CUL7: variants seen among roughly 807,000 people sequenced by gnomAD.
CUL7 encodes the protein cullin-7.
Under a neutral mutation model 177.7 loss-of-function variants are expected in CUL7, and 96 were observed. That is an observed-to-expected ratio of 0.54 (90% CI 0.46 to 0.64). The LOEUF is 0.64. Among genes scored for constraint, CUL7 ranks in the 30% least tolerant of loss-of-function variants. The probability of loss-of-function intolerance (pLI) is 0.00; values close to 1 mark genes in which losing one functional copy is unlikely to be tolerated. For synonymous variants in CUL7, 824 were observed against 890.2 expected (o/e 0.93, Z 1.32); for missense variants, 1,893 against 2,187.9 (o/e 0.87, Z 2.69).
Position 43,038,951 on chromosome 6 carries a change from C to G in CUL7, c.4331G>C (p.Arg1444Thr), listed in dbSNP as rs1763183547. ...GCCCAGCCACGTCCACTGCAGTCGC[C>G]TCTGTGAGCCTCGCTCAAGGGCAGG... ...SHPALERGSQ[R>T]RLQWTWLGWA... Residue 1444 changes from arginine (R) to threonine (T), a missense_variant, in exon 23 of 26, where the codon AGG (arginine) becomes ACG (threonine). By Grantham distance (71) the Arg-to-Thr change is moderately conservative. Transcript: ENST00000265348. 1 of 1,612,922 alleles carries G rather than the reference C, an allele frequency of 6.2e-7. No homozygotes were observed. Among genetic ancestry groups the G allele is most frequent in the East Asian group, 2.2e-5 (1 of 44,884 alleles).
chr6:43,045,619 T>G lies in CUL7; in HGVS notation c.2830A>C (p.Ile944Leu). The change falls in exon 14 of 26, where the codon ATC becomes CTC. Residue 944 changes from isoleucine (I) to leucine (L), a missense_variant. Physicochemically the swap from Ile to Leu is conservative, Grantham distance 5 (BLOSUM62 2). Coordinates refer to ENST00000265348, the MANE Select transcript of CUL7 (RefSeq NM_014780.5). This position sits in a 1 kb window ranked among gnomAD's most constrained non-coding sequence, Gnocchi z 4.8. Reference protein sequence around the residue: ...LLENLTRFWPIIQIRIKRCQQ... With the variant: ...LLENLTRFWPLIQIRIKRCQQ... ...CAGCGCTTTATGCGGATCTGGATGA[T>G]GGGCCAGAAGCGGGTCAGGTTCTCC... is the stretch of plus-strand genomic sequence containing the variant. The G allele has an allele frequency of 6.2e-7, 1 of 1,614,210 alleles. No homozygotes were observed. The highest frequency in any genetic ancestry group is 8.5e-7 in the Non-Finnish European group (1 of 1,180,042).
Position 43,048,227 on chromosome 6 carries a change from G to A in CUL7, c.2090C>T (p.Pro697Leu). 6.2e-7 allele frequency: 1 copy of A among 1,613,960 alleles called. No homozygotes were observed. Among genetic ancestry groups the A allele is most frequent in the Non-Finnish European group, 8.5e-7 (1 of 1,179,828 alleles). ...GTGCCAGGGGAGCAGCAGTGCCTCG[G>A]GGAAGTCCACCAGCTGCTTCAGGAT... ...LRILKQLVDF[P>L]EALLLPWHEA... Residue 697 changes from proline to leucine, a missense_variant, in exon 9 of 26, where the codon CCC becomes CTC. Physicochemically the swap from Pro to Leu is moderately conservative, Grantham distance 98. Around this residue, in one of 5 missense-constraint regions of CUL7, gnomAD observed 973 missense variants for 1,140.9 expected, o/e 0.85. Coordinates refer to ENST00000265348, the MANE Select transcript of CUL7 (RefSeq NM_014780.5).
Position 43,050,887 on chromosome 6 carries a change from G to A in CUL7, c.1233+81C>T. 1 of 1,545,966 alleles carries A rather than the reference G, an allele frequency of 6.5e-7. No homozygotes were observed. Among genetic ancestry groups the A allele is most frequent in the Non-Finnish European group, 8.9e-7 (1 of 1,129,256 alleles). ...AGCTTTCTCTTTGGGTGGCCTGCTG[G>A]AGCCCCCCCATATAGAAGTCCCAGC... On this transcript the variant is annotated intron_variant, in intron 4 of 25. Coordinates refer to ENST00000265348, the MANE Select transcript of CUL7 (RefSeq NM_014780.5). The surrounding 1 kb of genome is among the most constrained non-coding windows in gnomAD (Gnocchi z 4.1).
At position 43,038,308 on chromosome 6, in the gene CUL7, G is replaced by A. The variant is rs1763125085; in HGVS notation, c.4732C>T (p.His1578Tyr). The A allele has an allele frequency of 2.5e-6, 4 of 1,614,046 alleles. No individual in the cohort carries two copies. In the South Asian group the frequency reaches 3.3e-5, roughly 13 times the overall value. The change falls in exon 25 of 26, where the codon CAT (histidine) becomes TAT (tyrosine). Residue 1578 changes from histidine to tyrosine, a missense_variant. His to Tyr is a moderately conservative substitution (Grantham distance 83). This residue lies in a region of CUL7 where 248 missense variants were observed against 262.5 expected (regional missense o/e 0.94). Coordinates refer to ENST00000265348, the MANE Select transcript of CUL7 (RefSeq NM_014780.5). ...TCAATGTGCAGCCCCTCATCTCCAT[G>A]GGCCTTGAGGATTCGGACGATGAGG... ...NCLIVRILKA[H>Y]GDEGLHIDQL...
At chr6:43,047,303 C>A (rs1764005292) in intron 9 of CUL7, among the ~76,000 whole-genome samples, 196 bp from the exon 10 acceptor site, 1 of 152,082 alleles carries the variant, frequency 6.6e-6, no homozygotes, top group African/African-American at 2.4e-5. Flanking sequence ...AAAGACAAAC[C>A]AAAATGGAAA....
Position 43,046,859 on chromosome 6 carries a change from C to T in CUL7, c.2397+21G>A, listed in dbSNP as rs993912535. On this transcript the variant is annotated intron_variant, in intron 10 of 25. Coordinates refer to ENST00000265348, the MANE Select transcript of CUL7 (RefSeq NM_014780.5). Reference sequence around the variant, plus strand: ...ATATTCTGATGCCACTCTAAGCCCACAAGCTCCCCTTCCTCCTGACCTGGA... The same window carrying T: ...ATATTCTGATGCCACTCTAAGCCCATAAGCTCCCCTTCCTCCTGACCTGGA... 4.7e-6 allele frequency: 7 copies of T among 1,481,004 alleles called. No homozygotes were observed. In the African/African-American group the frequency reaches 9.7e-5, roughly 21 times the overall value. The allele number at this position is 1,481,004 out of a possible 1,614,324, so 91.7% of individuals were successfully genotyped here.
At chr6:43,039,098 C>T (rs1346682968) in intron 22 of CUL7, 111 bp from the exon 23 acceptor site, 3 of 748,976 alleles carry the variant, frequency 4.0e-6, no homozygotes, top group Non-Finnish European at 7.0e-6. Context: ...GCGTGTGACC[C>T]CAGCATTTAT....
At chr6:43,047,504 G>A (rs969911761) in intron 9 of CUL7, among the ~76,000 whole-genome samples, 6 of 152,178 alleles carry the variant, frequency 3.9e-5, no homozygotes, top group Admixed American at 1.3e-4. Context: ...CTGGGTTTGT[G>A]TGTGTATTAT....
chr6:43,040,214 G>C lies in CUL7; in HGVS notation c.4236C>G (p.Thr1412=), dbSNP rs749904725. The change falls in exon 22 of 26, where the codon ACC becomes ACG. Residue 1412 remains threonine (T), a synonymous_variant. Coordinates refer to ENST00000265348, the MANE Select transcript of CUL7 (RefSeq NM_014780.5). This position sits in a 1 kb window ranked among gnomAD's most constrained non-coding sequence, Gnocchi z 4.2. ...TGCCCCTCAGGTAGGAGGGCAGGCA[G>C]GTTCTGGGGTTCAGTGTGTGGCAGA... ...ASICHTLNPR[T]CLPSYLRGTL... 6.8e-6 allele frequency: 11 copies of C among 1,614,108 alleles called. No homozygotes were observed. Among genetic ancestry groups the C allele is most frequent in the African/African-American group, 2.7e-5 (2 of 74,938 alleles).
chr6:43,052,092 G>A lies in CUL7; in HGVS notation c.580+117C>T. ...CTTTTCTTCCAACTCTAAGAGAAGGGCAACAGAATCATTTACGTACTGATG... is the reference window on the plus strand; with the variant it reads ...CTTTTCTTCCAACTCTAAGAGAAGGACAACAGAATCATTTACGTACTGATG... On this transcript the variant is annotated intron_variant, in intron 2 of 25. Coordinates refer to ENST00000265348, the MANE Select transcript of CUL7 (RefSeq NM_014780.5). The surrounding 1 kb of genome is among the most constrained non-coding windows in gnomAD (Gnocchi z 4.5). The A allele has an allele frequency of 1.3e-6, 2 of 1,531,574 alleles. No individual in the cohort carries two copies. The highest frequency in any genetic ancestry group is 1.8e-6 in the Non-Finnish European group (2 of 1,135,862). The allele number at this position is 1,531,574 out of a possible 1,614,324, so 94.9% of individuals were successfully genotyped here. A position where few individuals can be genotyped will look rare whatever the true frequency, so the allele number is the denominator to read the frequency against.
In CUL7 at chr6:43,052,151, T is replaced by C; in HGVS notation, c.580+58A>G. Reference sequence around the variant, plus strand: ...GGCTCCTGCCACAGTGTCCTGTGAGTCCCTGAGCCGACCCAGCCCTTCTCC... The same window carrying C: ...GGCTCCTGCCACAGTGTCCTGTGAGCCCCTGAGCCGACCCAGCCCTTCTCC... On this transcript the variant is annotated intron_variant, in intron 2 of 25. Coordinates refer to ENST00000265348, the MANE Select transcript of CUL7 (RefSeq NM_014780.5). This position sits in a 1 kb window ranked among gnomAD's most constrained non-coding sequence, Gnocchi z 4.5. 3 of 1,601,800 alleles carry C rather than the reference T, an allele frequency of 1.9e-6. No homozygotes were observed. Among genetic ancestry groups the C allele is most frequent in the Non-Finnish European group, 2.6e-6 (3 of 1,174,014 alleles).
intron 6 of CUL7, 133 bp from the exon 7 acceptor site, chr6:43,049,795 C>G: frequency 1.4e-6 from 2 of 1,405,930 alleles, no homozygotes; most frequent in Non-Finnish European, 2.0e-6. Context: ...GCAGCTGGCT[C>G]CTCCCAAACA....
chr6:43,038,678 C>T lies in CUL7; in HGVS notation c.4455G>A (p.Glu1485=), dbSNP rs1427468307. The change falls in exon 24 of 26, where the codon GAG becomes GAA. Residue 1485 remains glutamate (E), a synonymous_variant. Coordinates refer to ENST00000265348, the MANE Select transcript of CUL7 (RefSeq NM_014780.5). ...AGAGCCCTGAGAACGCCAGCAGACT[C>T]TCCACAGAGACCGCCTTCAGAGAAC... is the stretch of plus-strand genomic sequence containing the variant. The part of the protein sequence containing the change: ...YLNDLKAVSV[E]SLLAFSGLSA... 1 of 1,614,082 alleles carries T rather than the reference C, an allele frequency of 6.2e-7. No homozygotes were observed. Among genetic ancestry groups the T allele is most frequent in the Non-Finnish European group, 8.5e-7 (1 of 1,180,016 alleles).
chr6:43,047,645 C>G (rs889918674), intron 9 of CUL7, among the ~76,000 whole-genome samples: 1 of 152,220 alleles, frequency 6.6e-6, no homozygotes, highest in Non-Finnish European at 1.5e-5. Context: ...CAGGACTTCT[C>G]TGTAGCTCTT....
At chr6:43,041,194 TG>T in intron 19 of CUL7, 119 bp from the exon 20 acceptor site, 1 of 894,538 alleles carries the variant, frequency 1.1e-6, no homozygotes, top group South Asian at 1.4e-5. Flanking sequence ...AGGTGGTTGG[TG>T]CTTTCATACA....
At position 43,050,002 on chromosome 6, in the gene CUL7, C is replaced by G; in HGVS notation, c.1530G>C (p.Gln510His). The G allele has an allele frequency of 6.2e-7, 1 of 1,614,232 alleles. No individual in the cohort carries two copies. Among genetic ancestry groups the G allele is most frequent in the Non-Finnish European group, 8.5e-7 (1 of 1,180,036 alleles). The change falls in exon 6 of 26, where the codon CAG (glutamine) becomes CAC (histidine). Residue 510 changes from glutamine (Q) to histidine (H), a missense_variant. Physicochemically the swap from Gln to His is conservative, Grantham distance 24. Coordinates refer to ENST00000265348, the MANE Select transcript of CUL7 (RefSeq NM_014780.5). This position sits in a 1 kb window ranked among gnomAD's most constrained non-coding sequence, Gnocchi z 4.1. Reference protein sequence around the residue: ...FIKKLDGPDHQEVLQILQENL... With the variant: ...FIKKLDGPDHHEVLQILQENL... ...TCTCCTGGAGGATCTGGAGAACCTC[C>G]TGATGGTCAGGTCCATCCAGCTTCT...
chr6:43,050,836 C>G lies in CUL7; in HGVS notation c.1233+132G>C. ...ATGGCCCCCCTCTCAACTACTGACT[C>G]TTTTCACCATTCCAATCTTACCTAA... On this transcript the variant is annotated intron_variant, in intron 4 of 25. Coordinates refer to ENST00000265348, the MANE Select transcript of CUL7 (RefSeq NM_014780.5). The surrounding 1 kb of genome is among the most constrained non-coding windows in gnomAD (Gnocchi z 4.1). The G allele has an allele frequency of 1.6e-6, 2 of 1,220,556 alleles. No homozygotes were observed. The highest frequency in any genetic ancestry group is 2.3e-6 in the Non-Finnish European group (2 of 858,836). 75.6% of individuals were successfully genotyped at this position (1,220,556 alleles called of 1,614,324 possible).
chr6:43,040,024 G>C lies in CUL7; in HGVS notation c.4294+132C>G. The stretch of plus-strand genomic sequence containing the variant: ...CAAAGTGCTGGGATTACAGGCGTGA[G>C]CACTGTGCCCAGCCAAAGACTATCT... On this transcript the variant is annotated intron_variant, in intron 22 of 25. Coordinates refer to ENST00000265348, the MANE Select transcript of CUL7 (RefSeq NM_014780.5). The surrounding 1 kb of genome is among the most constrained non-coding windows in gnomAD (Gnocchi z 4.2). 1.8e-6 allele frequency: 2 copies of C among 1,114,208 alleles called. No individual in the cohort carries two copies. Among genetic ancestry groups the C allele is most frequent in the Non-Finnish European group, 1.4e-6 (1 of 733,430 alleles). 69.0% of individuals were successfully genotyped at this position (1,114,208 alleles called of 1,614,324 possible). A position where few individuals can be genotyped will look rare whatever the true frequency, so the allele number is the denominator to read the frequency against.
chr6:43,043,619 T>C lies in CUL7; in HGVS notation c.3184A>G (p.Ile1062Val), dbSNP rs748818384. The change falls in exon 17 of 26, where the codon ATT becomes GTT. Residue 1062 changes from isoleucine (I) to valine (V), a missense_variant. Ile to Val is a conservative substitution (Grantham distance 29, BLOSUM62 3). This residue lies in a region of CUL7 where 973 missense variants were observed against 1,140.9 expected (regional missense o/e 0.85). Transcript: ENST00000265348. The surrounding 1 kb of genome is among the most constrained non-coding windows in gnomAD (Gnocchi z 4.2). ...TCCAGCAGCCAACCCAGGGGGCTAA[T>C]GCCATCCTCATCTAGAGGGTGAGAT... Reference protein sequence around the residue: ...QNITSPDEDGISPLGWLLDQY... With the variant: ...QNITSPDEDGVSPLGWLLDQY... 8 of 1,606,266 alleles carry C rather than the reference T, an allele frequency of 5.0e-6. No individual in the cohort carries two copies. The Admixed American group carries it at 6.8e-5, about 14-fold the overall frequency.
Sources: gnomAD v4.1 joint callset for allele counts (sites outside exome capture counted in the v4.1 genomes callset) on GRCh38, gnomAD v4.1.1 for gene constraint, gnomAD v4.1.1 regional missense constraint, Gnocchi (gnomAD v3.1) non-coding constraint, MANE v1.5 for transcripts, NCBI Gene and HGNC (gene_info 2026-07-23, HGNC 2026-07-21) for gene names.